The following IRAK1BP1 variants were observed in gnomAD, a reference collection of about 807,000 sequenced individuals.
The protein encoded by IRAK1BP1 is interleukin-1 receptor-associated kinase 1-binding protein 1.
Under a neutral mutation model 28.0 loss-of-function variants are expected in IRAK1BP1, and 24 were observed. The observed-to-expected ratio is 0.86, with a 90% confidence interval of 0.62 to 1.20. The LOEUF is 1.20. Ranked by LOEUF, IRAK1BP1 falls within the 50% of genes most tolerant of loss-of-function variation. The pLI is 0.00. For synonymous variants in IRAK1BP1, 131 were observed against 116.3 expected (o/e 1.13, Z -0.81); for missense variants, 336 against 316.7 (o/e 1.06, Z -0.46).
At chr6:78,969,009 C>G in the IRAK1BP1 span, among the ~76,000 whole-genome samples, 1 of 152,138 alleles carries the variant, frequency 6.6e-6, no homozygotes, top group South Asian at 2.1e-4. Flanking sequence ...CTTCCTGTTT[C>G]CTGAGGGGAT....
Position 78,937,671 on chromosome 6 carries a change from G to C in IRAK1BP1, c.*68-7737G>C, listed in dbSNP as rs1351389485. 2.9e-5 allele frequency: 4 copies of C among 138,626 alleles called. No individual in the cohort carries two copies. In the East Asian group the frequency reaches 1.1e-3, roughly 39 times the overall value. The allele number at this position is 138,626 out of a possible 1,614,324, so 8.6% of individuals were successfully genotyped here. On this transcript the variant is annotated intron_variant and NMD_transcript_variant, in intron 4 of 4. Transcript: ENST00000606868. ...GTGAAGTTGTGCAATAAAAACAATT[G>C]AAATAAGGCCAATCTTTAGTTTATA...
rs1486309881 is a variant in IRAK1BP1 at position 78,901,300 on chromosome 6, A to G, written c.*2966A>G. On this transcript the variant is annotated 3_prime_UTR_variant, in exon 4 of 4. Coordinates refer to ENST00000369940, the MANE Select transcript of IRAK1BP1 (RefSeq NM_001010844.4). Reference sequence around the variant, plus strand: ...TATACAATCCTACATTTTTCTATAGAAGAGCTTAGGGAAGAAATCATTCAA... The same window carrying G: ...TATACAATCCTACATTTTTCTATAGGAGAGCTTAGGGAAGAAATCATTCAA... The G allele has an allele frequency of 6.6e-6, 1 of 152,056 alleles. No homozygotes were observed. The allele number at this position is 152,056 out of a possible 1,614,324, so 9.4% of individuals were successfully genotyped here.
intron 4 of IRAK1BP1, among the ~76,000 whole-genome samples, chr6:78,944,873 T>A (rs1015624136): frequency 2.6e-5 from 4 of 152,220 alleles, no homozygotes; most frequent in African/African-American, 7.2e-5. Flanking sequence ...AACCTGGAGG[T>A]GAAAGAACTT....
chr6:78,871,928 A>T (rs1243025488), intron 1 of IRAK1BP1: 1 of 514,426 alleles, frequency 1.9e-6, no homozygotes, highest in Non-Finnish European at 3.4e-6. Context: ...AACATTTGTA[A>T]ATTCTTTGCC....
Position 78,939,569 on chromosome 6 carries a change from T to C in IRAK1BP1, c.*68-5839T>C, listed in dbSNP as rs1006610485. ...GAAAAAAGAATTTATACCTGGGTAA[T>C]AGTATATAAGTATGTGTTTGTATAT... On this transcript the variant is annotated intron_variant and NMD_transcript_variant, in intron 4 of 4. Transcript: ENST00000606868. 6.6e-5 allele frequency: 10 copies of C among 152,042 alleles called. No individual in the cohort carries two copies. The South Asian group carries it at 1.7e-3, about 25-fold the overall frequency. The allele number at this position is 152,042 out of a possible 1,614,324, so 9.4% of individuals were successfully genotyped here.
At chr6:78,919,791 C>CA (rs1426999664) in intron 4 of IRAK1BP1, among the ~76,000 whole-genome samples, 1 of 151,844 alleles carries the variant, frequency 6.6e-6, no homozygotes, top group Non-Finnish European at 1.5e-5. Flanking sequence ...GAAACTATTC[C>CA]AAAAAAATCA....
chr6:78,896,223 G>A (rs1204832562), intron 2 of IRAK1BP1, among the ~76,000 whole-genome samples: 1 of 148,310 alleles, frequency 6.7e-6, no homozygotes, highest in East Asian at 2.0e-4. Flanking sequence ...AATAGAAACT[G>A]ACAAAAACCG....
chr6:78,903,181 G>C, downstream of IRAK1BP1: 1 of 820,992 alleles, frequency 1.2e-6, no homozygotes, highest in Non-Finnish European at 1.9e-6. Context: ...TTGCTACATA[G>C]GGTTTAAACT....
the IRAK1BP1 span, chr6:78,955,688 T>A: frequency 1.1e-6 from 1 of 942,774 alleles, no homozygotes; most frequent in Non-Finnish European, 1.6e-6. Flanking sequence ...GATCCCTACA[T>A]AACAAGGAAA....
chr6:78,946,546 A>G (rs1773829731), downstream of IRAK1BP1: 1 of 1,383,552 alleles, frequency 7.2e-7, no homozygotes, highest in Non-Finnish European at 9.3e-7. Flanking sequence ...ACACTAGTAT[A>G]GCTTTAGTTA....
chr6:78,956,763 TCTC>T, the IRAK1BP1 span: 2 of 152,140 alleles, frequency 1.3e-5, no homozygotes, highest in Non-Finnish European at 2.9e-5. Flanking sequence ...TTAACAGACT[TCTC>T]CTCCCCTGTA....
chr6:78,935,333 T>A (rs1773231421), intron 4 of IRAK1BP1: 1 of 159,632 alleles, frequency 6.3e-6, no homozygotes, highest in South Asian at 2.0e-4. Context: ...TGTTATGGCC[T>A]TATGTATTCA....
intron 4 of IRAK1BP1, among the ~76,000 whole-genome samples, chr6:78,942,024 A>G (rs1773527837): frequency 1.3e-5 from 2 of 152,278 alleles, no homozygotes; most frequent in South Asian, 4.2e-4. Flanking sequence ...ACCAGTAACT[A>G]ACTCTCTTTC....
chr6:78,875,568 A>T (rs549878818), intron 1 of IRAK1BP1, among the ~76,000 whole-genome samples: 1 of 152,190 alleles, frequency 6.6e-6, no homozygotes, highest in Non-Finnish European at 1.5e-5. Flanking sequence ...GAACAAAATC[A>T]TGTACTTTGC....
In IRAK1BP1 at chr6:78,898,326, C is replaced by A; in HGVS notation, c.775C>A (p.His259Asn). ...EVKGKEKRKKHL is the reference protein window; with the variant it reads ...EVKGKEKRKKNL ...AAAGGGAAAAGAGAAGAGAAAAAAGCACCTTTGAAATTCCAAACAAATTAT... is the reference window on the plus strand; with the variant it reads ...AAAGGGAAAAGAGAAGAGAAAAAAGAACCTTTGAAATTCCAAACAAATTAT... Residue 259 changes from histidine to asparagine, a missense_variant, in exon 4 of 4, where the codon CAC becomes AAC. His to Asn is a moderately conservative substitution (Grantham distance 68). Coordinates refer to ENST00000369940, the MANE Select transcript of IRAK1BP1 (RefSeq NM_001010844.4). 6.5e-7 allele frequency: 1 copy of A among 1,530,598 alleles called. No individual in the cohort carries two copies. Among genetic ancestry groups the A allele is most frequent in the Non-Finnish European group, 8.9e-7 (1 of 1,128,630 alleles). The allele number at this position is 1,530,598 out of a possible 1,614,324, so 94.8% of individuals were successfully genotyped here. A position where few individuals can be genotyped will look rare whatever the true frequency, so the allele number is the denominator to read the frequency against.
intron 4 of IRAK1BP1, chr6:78,945,315 CTGA>C: frequency 6.2e-7 from 1 of 1,610,392 alleles, no homozygotes; most frequent in Non-Finnish European, 8.5e-7. Context: ...TCAATGACAG[CTGA>C]TGACTTTGAA....
chr6:78,910,437 C>T (rs1415711959), intron 4 of IRAK1BP1, among the ~76,000 whole-genome samples: 2 of 152,260 alleles, frequency 1.3e-5, no homozygotes, highest in Non-Finnish European at 2.9e-5. Flanking sequence ...AACAGAATCC[C>T]CGAAGAGTAA....
chr6:78,921,269 G>T (rs114030115), intron 4 of IRAK1BP1, among the ~76,000 whole-genome samples: 1 of 152,168 alleles, frequency 6.6e-6, no homozygotes, highest in Non-Finnish European at 1.5e-5. Flanking sequence ...GGCACACCAG[G>T]TGATTGTATC....
chr6:78,969,105 A>T, the IRAK1BP1 span, among the ~76,000 whole-genome samples: 98 of 152,306 alleles, frequency 6.4e-4, no homozygotes, highest in Middle Eastern at 3.4e-3. Flanking sequence ...ATGAGATGTA[A>T]ATTTTCTTTC....
Sources: allele counts gnomAD v4.1 joint callset (sites outside exome capture counted in the v4.1 genomes callset), GRCh38; gene constraint gnomAD v4.1.1; transcripts MANE v1.5; gene names NCBI Gene and HGNC (gene_info 2026-07-23, HGNC 2026-07-21).